Variants in CMTR1 observed in about 807,000 individuals in gnomAD.
The protein encoded by CMTR1 is cap methyltransferase 1, also known as cap-specific mRNA (nucleoside-2'-O-)-methyltransferase 1.
CMTR1 carries 39 observed loss-of-function variants against 107.0 expected under a neutral mutation model. The ratio of observed to expected loss-of-function variants is 0.36; its 90% CI spans 0.28 to 0.48. The LOEUF (loss-of-function observed/expected upper bound fraction) is 0.48. Among genes scored for constraint, CMTR1 ranks in the 20% least tolerant of loss-of-function variants. The probability of loss-of-function intolerance (pLI) is 0.99; values close to 1 mark genes in which losing one functional copy is unlikely to be tolerated. For synonymous variants in CMTR1, 366 were observed against 379.5 expected, an observed-to-expected ratio of 0.96 and a Z score of 0.41; for missense variants, 672 against 1,064.9, an observed-to-expected ratio of 0.63 and a Z score of 5.14.
chr6:37,462,026 G>A lies in CMTR1; in HGVS notation c.1249G>A (p.Val417Ile), dbSNP rs770084774. The A allele has an allele frequency of 1.9e-6, 3 of 1,613,884 alleles. No individual in the cohort carries two copies. Among genetic ancestry groups the A allele is most frequent in the Admixed American group, 3.3e-5 (2 of 59,962 alleles). The stretch of plus-strand genomic sequence containing the variant: ...GTTCACACCGTTTAGTGTGGGGCTT[G>A]TCTACCTGCTGTACTGCTGCTTTGA... ...DLFTPFSVGLVYLLYCCFERV... is the reference protein window; with the variant it reads ...DLFTPFSVGLIYLLYCCFERV... Residue 417 changes from valine (V) to isoleucine (I), a missense_variant, in exon 12 of 24, where the codon GTC becomes ATC. Val to Ile is a conservative substitution (Grantham distance 29, BLOSUM62 3). Transcript: ENST00000373451.
Position 37,453,243 on chromosome 6 carries a change from A to G in CMTR1, c.708A>G (p.Ala236=). ...MIRGVFFLNR[A]AMKMANMDFV... is the part of the protein sequence containing the mutation. ...TTTCTGTCTTGCTTTATTGCAGGGC[A>G]GCAATGAAGATGGCTAACATGGATT... Residue 236 remains alanine, a synonymous_variant, in exon 8 of 24, where the codon GCA becomes GCG. Coordinates refer to ENST00000373451, the MANE Select transcript of CMTR1 (RefSeq NM_015050.3). 6.2e-7 allele frequency: 1 copy of G among 1,614,050 alleles called. No individual in the cohort carries two copies. Among genetic ancestry groups the G allele is most frequent in the Non-Finnish European group, 8.5e-7 (1 of 1,179,900 alleles).
chr6:37,447,258 C>T (rs940804779), intron 4 of CMTR1, among the ~76,000 whole-genome samples: 4 of 152,150 alleles, frequency 2.6e-5, no homozygotes, highest in African/African-American at 9.7e-5. Context: ...CCCTAATGTT[C>T]CAGTTCAGGA....
At chr6:37,467,652 T>C (rs1391268812) in intron 13 of CMTR1, among the ~76,000 whole-genome samples, 1 of 152,220 alleles carries the variant, frequency 6.6e-6, no homozygotes, top group Non-Finnish European at 1.5e-5. Context: ...ATTAGGCACA[T>C]GTACATTTAA....
upstream of CMTR1, among the ~76,000 whole-genome samples, chr6:37,430,846 C>T (rs56313709): frequency 2.6e-5 from 4 of 151,968 alleles, no homozygotes; most frequent in East Asian, 5.8e-4. Context: ...AACCCCATCT[C>T]TATTAAAAAT....
chr6:37,426,552 G>A, the CMTR1 span, among the ~76,000 whole-genome samples: 4 of 148,790 alleles, frequency 2.7e-5, no homozygotes, highest in African/African-American at 9.9e-5. Context: ...TTTTTTTTCT[G>A]AGATGCAGTC....
At chr6:37,439,854 C>T (rs78080484) in intron 2 of CMTR1, among the ~76,000 whole-genome samples, 69 of 152,096 alleles carry the variant, frequency 4.5e-4, no homozygotes, top group African/African-American at 1.6e-3. Flanking sequence ...ACTATGTTGC[C>T]CACACTGGCC....
At chr6:37,462,140 C>G in intron 12 of CMTR1, 38 bp downstream of exon 12, 3 of 1,612,356 alleles carry the variant, frequency 1.9e-6, no homozygotes, top group Non-Finnish European at 2.5e-6. Context: ...GATTAATTGG[C>G]TAAATGTCAG....
intron 6 of CMTR1, among the ~76,000 whole-genome samples, chr6:37,452,816 C>T (rs546722923): frequency 6.6e-6 from 1 of 152,108 alleles, no homozygotes; most frequent in South Asian, 2.1e-4. Flanking sequence ...GTTTTTTAAA[C>T]ACTTGCCATG....
intron 10 of CMTR1, among the ~76,000 whole-genome samples, chr6:37,460,109 A>G (rs186582476): frequency 6.6e-6 from 1 of 152,374 alleles, no homozygotes; most frequent in East Asian, 1.9e-4. Context: ...TTTGTTCAGC[A>G]GAAGCTCTCA....
chr6:37,443,414 G>A (rs897241334), intron 2 of CMTR1, among the ~76,000 whole-genome samples: 2 of 151,866 alleles, frequency 1.3e-5, no homozygotes, highest in Non-Finnish European at 2.9e-5. Context: ...GCATGCAGTG[G>A]CGCAATTTCG....
chr6:37,468,874 C>T (rs1480235249), intron 13 of CMTR1, among the ~76,000 whole-genome samples: 1 of 151,024 alleles, frequency 6.6e-6, no homozygotes, highest in Non-Finnish European at 1.5e-5. Context: ...GAGAGTAAGA[C>T]TCCGTCTCAA....
chr6:37,447,721 T>C (rs1234603487), intron 4 of CMTR1, among the ~76,000 whole-genome samples: 1 of 151,442 alleles, frequency 6.6e-6, no homozygotes, highest in African/African-American at 2.4e-5. Flanking sequence ...ACTAGCCAGG[T>C]GTGGGACTCA....
Position 37,474,183 on chromosome 6 carries a change from C to T in CMTR1, c.1822-341C>T, listed in dbSNP as rs555826889. ...CTTTTTCTCATTTTACTTACTCTCT[C>T]CTTCTCTGCTCTCTGGACTCTTCAC... is the stretch of plus-strand genomic sequence containing the variant. On this transcript the variant is annotated intron_variant, in intron 17 of 23. Coordinates refer to ENST00000373451, the MANE Select transcript of CMTR1 (RefSeq NM_015050.3). 4.6e-5 allele frequency among the ~76,000 whole-genome samples: 7 copies of T among 152,336 alleles called. 1 individual carries two copies. In the South Asian group the frequency reaches 1.2e-3, roughly 27 times the overall value.
chr6:37,472,562 C>T lies in CMTR1; in HGVS notation c.1689+75C>T. ...GATGTGGATGGTATCACTGAGGCCCCAGATGCATGGTCTCCAGAGGGCTTG... is the reference window on the plus strand; with the variant it reads ...GATGTGGATGGTATCACTGAGGCCCTAGATGCATGGTCTCCAGAGGGCTTG... On this transcript the variant is annotated intron_variant, in intron 16 of 23. Coordinates refer to ENST00000373451, the MANE Select transcript of CMTR1 (RefSeq NM_015050.3). This position sits in a 1 kb window ranked among gnomAD's most constrained non-coding sequence, Gnocchi z 4.1. The T allele has an allele frequency of 7.1e-7, 1 of 1,413,138 alleles. No individual in the cohort carries two copies. The highest frequency in any genetic ancestry group is 1.0e-6 in the Non-Finnish European group (1 of 998,548). The allele number at this position is 1,413,138 out of a possible 1,614,324, so 87.5% of individuals were successfully genotyped here. A position where few individuals can be genotyped will look rare whatever the true frequency, so the allele number is the denominator to read the frequency against.
the CMTR1 span, among the ~76,000 whole-genome samples, chr6:37,425,443 C>A: frequency 6.6e-6 from 1 of 151,368 alleles, no homozygotes; most frequent in African/African-American, 2.4e-5. Context: ...ATTACAGGCA[C>A]GTGCCACGCC....
intron 4 of CMTR1, among the ~76,000 whole-genome samples, chr6:37,449,271 T>TTGTTTTGTTATGTTATGTTA (rs1554198299): frequency 6.9e-6 from 1 of 145,246 alleles, no homozygotes; most frequent in Admixed American, 7.0e-5. Context: ...ATTTTATGTT[T>TTGTTTTGTTATGTTATGTTA]TGTTATGTTA....
chr6:37,442,261 C>T (rs1409893420), intron 2 of CMTR1, among the ~76,000 whole-genome samples: 1 of 152,184 alleles, frequency 6.6e-6, no homozygotes, highest in Non-Finnish European at 1.5e-5. Flanking sequence ...CCTAATTCAA[C>T]CTACTGGTGG....
Position 37,475,382 on chromosome 6 carries a change from C to G in CMTR1, c.2006C>G (p.Thr669Ser), listed in dbSNP as rs374003622. ...CTCGATGTCCTTGTGCTGAATGGCA[C>G]CGACGTTCGGGAGCAGCACTTTAAC... The part of the protein sequence containing the change: ...HILDVLVLNG[T>S]DVREQHFNQR... The change falls in exon 19 of 24, where the codon ACC becomes AGC. Residue 669 changes from threonine to serine, a missense_variant. Coordinates refer to ENST00000373451, the MANE Select transcript of CMTR1 (RefSeq NM_015050.3). 1.2e-6 allele frequency: 2 copies of G among 1,614,038 alleles called. No individual in the cohort carries two copies. The highest frequency in any genetic ancestry group is 1.7e-6 in the Non-Finnish European group (2 of 1,179,982).
chr6:37,464,179 A>G (rs975790785), intron 13 of CMTR1, among the ~76,000 whole-genome samples: 1 of 152,174 alleles, frequency 6.6e-6, no homozygotes, highest in African/African-American at 2.4e-5. Flanking sequence ...TAAGATAAAA[A>G]ATGTGGCCGG....
Sources: allele counts gnomAD v4.1 joint callset (sites outside exome capture counted in the v4.1 genomes callset), GRCh38; gene constraint gnomAD v4.1.1; non-coding constraint Gnocchi (gnomAD v3.1); transcripts MANE v1.5; gene names NCBI Gene and HGNC (gene_info 2026-07-23, HGNC 2026-07-21).